Variants in GLTP observed in about 807,000 individuals in gnomAD.
GLTP encodes the protein glycolipid transfer protein.
In GLTP, 22 loss-of-function variants were observed where a neutral mutation model predicts 24.0. The observed-to-expected ratio is 0.92, with a 90% CI of 0.65 to 1.31. The LOEUF is 1.31. Among genes scored for constraint, GLTP ranks in the 50% most tolerant of loss-of-function variants. The pLI is 0.00. For synonymous variants in GLTP, 92 were observed against 115.9 expected (o/e 0.79, Z 1.33); for missense variants, 224 against 276.6 (o/e 0.81, Z 1.35).
intron 1 of GLTP, among the ~76,000 whole-genome samples, chr12:109,863,342 T>A (rs1045118704): frequency 3.3e-5 from 5 of 152,216 alleles, no homozygotes; most frequent in Non-Finnish European, 5.9e-5. Flanking sequence ...ACAGTGATCA[T>A]AGTCACATGT....
intron 1 of GLTP, among the ~76,000 whole-genome samples, chr12:109,859,286 G>A (rs1401571817): frequency 1.3e-5 from 2 of 152,218 alleles, no homozygotes; most frequent in African/African-American, 4.8e-5. Context: ...TTGGGAGGCC[G>A]AGGCGGGTGG....
chr12:109,859,667 A>C (rs1892847239), intron 1 of GLTP: 1 of 151,396 alleles, frequency 6.6e-6, no homozygotes, highest in South Asian at 2.1e-4. Context: ...TAAGGATATA[A>C]AGAATTTTTT....
chr12:109,872,153 G>A (rs752895003), intron 1 of GLTP, among the ~76,000 whole-genome samples: 2 of 152,256 alleles, frequency 1.3e-5, no homozygotes, highest in African/African-American at 2.4e-5. Flanking sequence ...GGAGGCTGCT[G>A]GAGCAATTGT....
chr12:109,868,145 C>T (rs1040797422), intron 1 of GLTP, among the ~76,000 whole-genome samples: 3 of 152,258 alleles, frequency 2.0e-5, no homozygotes, highest in Non-Finnish European at 2.9e-5. Flanking sequence ...GCTGAGACTA[C>T]AGACACATGT....
chr12:109,871,142 G>A (rs1441718389), intron 1 of GLTP, among the ~76,000 whole-genome samples: 1 of 142,370 alleles, frequency 7.0e-6, no homozygotes, highest in Non-Finnish European at 1.5e-5. Context: ...CTGGAGTAGT[G>A]GCGTGATCTC....
At chr12:109,876,632 G>A (rs1333966029) in intron 1 of GLTP, among the ~76,000 whole-genome samples, 2 of 145,344 alleles carry the variant, frequency 1.4e-5, no homozygotes, top group Admixed American at 6.9e-5. Context: ...GGGAGGGAGG[G>A]AAGAAAAGAA....
In GLTP at chr12:109,857,115, G is replaced by A. The variant is rs1281077178; in HGVS notation, c.296+411C>T. Among the ~76,000 whole-genome samples the A allele has an allele frequency of 1.3e-5, 2 of 152,174 alleles. No homozygotes were observed. The highest frequency in any genetic ancestry group is 2.4e-5 in the African/African-American group (1 of 41,444). On this transcript the variant is annotated intron_variant, in intron 3 of 4. Transcript: ENST00000318348. This position sits in a 1 kb window ranked among gnomAD's most constrained non-coding sequence, Gnocchi z 4.3. ...CATAACATACAAATCCACTTTGTAC[G>A]CGTGACCAGCCCTAAACAGGACACC...
At chr12:109,867,084 G>A (rs1245972028) in intron 1 of GLTP, among the ~76,000 whole-genome samples, 1 of 151,336 alleles carries the variant, frequency 6.6e-6, no homozygotes, top group Non-Finnish European at 1.5e-5. Flanking sequence ...GGCCAACTTT[G>A]TGTATTTTTT....
chr12:109,863,123 G>C (rs1171246057), intron 1 of GLTP, among the ~76,000 whole-genome samples: 3 of 152,232 alleles, frequency 2.0e-5, no homozygotes, highest in African/African-American at 7.2e-5. Flanking sequence ...TGGATGGACA[G>C]AGATATGGAT....
chr12:109,852,448 G>T lies in GLTP; in HGVS notation c.*107C>A. ...CTCTGGCAGGACCCTGGGCTGCTCT[G>T]GGGGACACAGGCCAGGGGCAGTTCA... On this transcript the variant is annotated 3_prime_UTR_variant, in exon 5 of 5. Transcript: ENST00000318348. 1.4e-6 allele frequency: 1 copy of T among 738,018 alleles called. No homozygotes were observed. 45.7% of individuals were successfully genotyped at this position (738,018 alleles called of 1,614,324 possible).
At chr12:109,871,061 T>A (rs1868703899) in intron 1 of GLTP, among the ~76,000 whole-genome samples, 1 of 150,338 alleles carries the variant, frequency 6.7e-6, no homozygotes, top group Admixed American at 6.6e-5. Flanking sequence ...AACCTAAGAC[T>A]AGGACCCAAC....
chr12:109,869,548 C>A (rs1868653901), intron 1 of GLTP, among the ~76,000 whole-genome samples: 1 of 149,364 alleles, frequency 6.7e-6, no homozygotes. Flanking sequence ...CTCCAACTTC[C>A]AGGTTCAAGC....
In GLTP at chr12:109,855,524, G is replaced by C. The variant is rs1258045557; in HGVS notation, c.447+95C>G. On this transcript the variant is annotated intron_variant, in intron 4 of 4. Transcript: ENST00000318348. This position sits in a 1 kb window ranked among gnomAD's most constrained non-coding sequence, Gnocchi z 4.1. ...TCCTGAGCCCGAGGGGGTAAACACA[G>C]CCTCACAGGCCAGGAGGCCTCGGCT... The C allele has an allele frequency of 1.7e-5, 20 of 1,145,046 alleles. No individual in the cohort carries two copies. Among genetic ancestry groups the C allele is most frequent in the Non-Finnish European group, 2.3e-5 (19 of 815,370 alleles). 70.9% of individuals were successfully genotyped at this position (1,145,046 alleles called of 1,614,324 possible). A position where few individuals can be genotyped will look rare whatever the true frequency, so the allele number is the denominator to read the frequency against.
At chr12:109,873,817 A>AAC (rs112538687) in intron 1 of GLTP, among the ~76,000 whole-genome samples, 9,169 of 149,346 alleles carry the variant, frequency 0.061, 355 homozygotes, top group East Asian at 0.12. Context: ...TCTTAAACAA[A>AAC]ACACACACAC....
chr12:109,869,661 G>A (rs1868658963), intron 1 of GLTP, among the ~76,000 whole-genome samples: 1 of 151,000 alleles, frequency 6.6e-6, no homozygotes, highest in South Asian at 2.1e-4. Flanking sequence ...AGTAGAGACA[G>A]GGTTTCACCA....
chr12:109,870,116 T>C (rs973081773), intron 1 of GLTP, among the ~76,000 whole-genome samples: 7 of 151,958 alleles, frequency 4.6e-5, no homozygotes, highest in African/African-American at 1.7e-4. Flanking sequence ...TTAAATAAAG[T>C]TGTATAAATA....
chr12:109,857,906 C>T lies in GLTP; in HGVS notation c.163-247G>A. ...ATGTTGCTGTCATTATCCCATTTTA[C>T]AGGCAGAGACACTGAGGCTCACAGA... On this transcript the variant is annotated intron_variant, in intron 2 of 4. Transcript: ENST00000318348. This position sits in a 1 kb window ranked among gnomAD's most constrained non-coding sequence, Gnocchi z 4.3. 2 of 526,436 alleles carry T rather than the reference C, an allele frequency of 3.8e-6. No individual in the cohort carries two copies. Among genetic ancestry groups the T allele is most frequent in the Non-Finnish European group, 6.9e-6 (2 of 290,058 alleles). The allele number at this position is 526,436 out of a possible 1,614,324, so 32.6% of individuals were successfully genotyped here.
At chr12:109,861,716 C>G (rs1868374789) in intron 1 of GLTP, among the ~76,000 whole-genome samples, 1 of 150,888 alleles carries the variant, frequency 6.6e-6, no homozygotes, top group Non-Finnish European at 1.5e-5. Context: ...CCACTGCACT[C>G]CAGCCTGGCG....
At chr12:109,872,868 G>A (rs918727597) in intron 1 of GLTP, among the ~76,000 whole-genome samples, 24 of 152,166 alleles carry the variant, frequency 1.6e-4, no homozygotes, top group Admixed American at 2.0e-4. Context: ...GCTATATTAG[G>A]AGGGTTAATA....
Sources: allele counts gnomAD v4.1 joint callset (sites outside exome capture counted in the v4.1 genomes callset), GRCh38; gene constraint gnomAD v4.1.1; non-coding constraint Gnocchi (gnomAD v3.1); transcripts MANE v1.5; gene names NCBI Gene and HGNC (gene_info 2026-07-23, HGNC 2026-07-21).